Variants in ADGB observed in about 807,000 individuals in gnomAD.
The protein encoded by ADGB is androglobin, also known as calpain-7-like protein.
Under a neutral mutation model 210.5 loss-of-function variants are expected in ADGB, and 172 were observed. The observed-to-expected ratio is 0.82, with a 90% CI of 0.72 to 0.93. The LOEUF (loss-of-function observed/expected upper bound fraction) is 0.93. ADGB is among the 40% of genes least tolerant of loss of function. The pLI is 0.00. For synonymous variants in ADGB, 658 were observed against 662.7 expected, an observed-to-expected ratio of 0.99 and a Z score of 0.11; for missense variants, 2,025 against 1,964.8, an observed-to-expected ratio of 1.03 and a Z score of -0.58.
intron 5 of ADGB, among the ~76,000 whole-genome samples, chr6:146,657,662 C>T (rs1212334468): frequency 6.6e-6 from 1 of 152,190 alleles, no homozygotes; most frequent in Non-Finnish European, 1.5e-5. Context: ...CCACCTTCCT[C>T]TTTCTTCTCT....
At position 146,672,333 on chromosome 6, in the gene ADGB, A is replaced by G. The variant is rs1446569293; in HGVS notation, c.953A>G (p.Lys318Arg). 14 of 1,551,400 alleles carry G rather than the reference A, an allele frequency of 9.0e-6. No homozygotes were observed. The highest frequency in any genetic ancestry group is 1.2e-5 in the Non-Finnish European group (14 of 1,146,874). Reference sequence around the variant, plus strand: ...ATAGCAGTGTTAGATTCTAAATTAAAAGAACCAGGGAAAGAAGGGAAGGAG... The same window carrying G: ...ATAGCAGTGTTAGATTCTAAATTAAGAGAACCAGGGAAAGAAGGGAAGGAG... ...SKIAVLDSKL[K>R]EPGKEGKEGK... The change falls in exon 8 of 36, where the codon AAA becomes AGA. Residue 318 changes from lysine (K) to arginine (R), a missense_variant. Lys to Arg is a conservative substitution (Grantham distance 26). Transcript: ENST00000397944.
At position 146,752,716 on chromosome 6, in the gene ADGB, T is replaced by C; in HGVS notation, c.3550+2T>C. ...GTGAGAAAGGTTTGAGCTCCCAGTGTAAGTGTACCTTTATGAACAGGATAG... is the reference window on the plus strand; with the variant it reads ...GTGAGAAAGGTTTGAGCTCCCAGTGCAAGTGTACCTTTATGAACAGGATAG... On this transcript the variant is annotated splice_donor_variant, in intron 27 of 35. Coordinates refer to ENST00000397944, the MANE Select transcript of ADGB (RefSeq NM_024694.4). LOFTEE classifies it high-confidence loss of function. 1.3e-6 allele frequency: 2 copies of C among 1,546,204 alleles called. No homozygotes were observed. Among genetic ancestry groups the C allele is most frequent in the East Asian group, 4.9e-5 (2 of 40,858 alleles).
chr6:146,725,892 G>A (rs1014491757), intron 18 of ADGB, 191 bp from the exon 19 acceptor site: 5 of 435,428 alleles, frequency 1.1e-5, no homozygotes, highest in East Asian at 3.3e-5. Context: ...TAAGTAAAGC[G>A]TAGATTTCAT....
intron 16 of ADGB, among the ~76,000 whole-genome samples, chr6:146,720,494 A>G (rs995913988): frequency 1.3e-5 from 2 of 152,188 alleles, no homozygotes; most frequent in African/African-American, 2.4e-5. Flanking sequence ...TCCATCTCCA[A>G]AACAAAAACC....
chr6:146,624,106 C>G (rs921830214), intron 1 of ADGB, among the ~76,000 whole-genome samples: 1 of 151,472 alleles, frequency 6.6e-6, no homozygotes, highest in African/African-American at 2.4e-5. Context: ...AGGAAGTATT[C>G]CCTCTTCTTC....
chr6:146,629,085 AG>A (rs1583565557), intron 1 of ADGB, among the ~76,000 whole-genome samples: 2 of 152,318 alleles, frequency 1.3e-5, no homozygotes, highest in East Asian at 3.9e-4. Flanking sequence ...ATATTATAAA[AG>A]TATAGGGTTA....
intron 33 of ADGB, among the ~76,000 whole-genome samples, chr6:146,790,687 T>C (rs1276572116): frequency 6.6e-6 from 1 of 152,234 alleles, no homozygotes; most frequent in Non-Finnish European, 1.5e-5. Context: ...CTTATTTTAA[T>C]TCCTTTGGAT....
chr6:146,786,169 A>AT (rs1554256429), intron 32 of ADGB, among the ~76,000 whole-genome samples: 163 of 146,878 alleles, frequency 1.1e-3, no homozygotes, highest in Middle Eastern at 0.011. Context: ...AAGTTAGTAT[A>AT]TATATATATT....
intron 1 of ADGB, among the ~76,000 whole-genome samples, chr6:146,612,088 CAT>C (rs1780720506): frequency 6.6e-6 from 1 of 152,100 alleles, no homozygotes; most frequent in South Asian, 2.1e-4. Context: ...TTCAGGGAAA[CAT>C]AAGGCACTGC....
chr6:146,752,544 T>C lies in ADGB; in HGVS notation c.3380T>C (p.Val1127Ala). 1 of 1,544,562 alleles carries C rather than the reference T, an allele frequency of 6.5e-7. No homozygotes were observed. The highest frequency in any genetic ancestry group is 2.5e-5 in the East Asian group (1 of 40,744). Reference sequence around the variant, plus strand: ...TTTCTTTACAGGTATTCGGTTAAAGTTCTAACACCACAACCTGCTACAATA... The same window carrying C: ...TTTCTTTACAGGTATTCGGTTAAAGCTCTAACACCACAACCTGCTACAATA... ...KKILFRYSVK[V>A]LTPQPATIQV... Residue 1127 changes from valine to alanine, a missense_variant, in exon 27 of 36, where the codon GTT becomes GCT. Val to Ala is a moderately conservative substitution (Grantham distance 64). Transcript: ENST00000397944.
chr6:146,624,459 C>A (rs1780943924), intron 1 of ADGB, among the ~76,000 whole-genome samples: 1 of 151,710 alleles, frequency 6.6e-6, no homozygotes, highest in Non-Finnish European at 1.5e-5. Flanking sequence ...TGTGTTTTCT[C>A]TCCTATATTC....
intron 5 of ADGB, among the ~76,000 whole-genome samples, chr6:146,660,345 A>C (rs1775838062): frequency 6.6e-6 from 1 of 152,210 alleles, no homozygotes; most frequent in Non-Finnish European, 1.5e-5. Flanking sequence ...CATGCTTTTA[A>C]AACAGGAAAT....
chr6:146,601,393 T>C (rs1376422213), intron 1 of ADGB, among the ~76,000 whole-genome samples: 3 of 152,176 alleles, frequency 2.0e-5, no homozygotes, highest in Admixed American at 1.3e-4. Flanking sequence ...CACCAAATCA[T>C]TAGATTTTTC....
Position 146,797,028 on chromosome 6 carries a change from G to A in ADGB, c.4538-4155G>A, listed in dbSNP as rs1778053833. On this transcript the variant is annotated intron_variant, in intron 33 of 35. Transcript: ENST00000397944. ...AAATAACAAATAACCCCATCAAAAA[G>A]TGGGCTAAGGACATGAATAGACAAT... Among the ~76,000 whole-genome samples, 3 of 152,150 alleles carry A rather than the reference G, an allele frequency of 2.0e-5. No individual in the cohort carries two copies. In the South Asian group the frequency reaches 6.2e-4, roughly 32 times the overall value.
chr6:146,649,143 T>A (rs557898446), intron 3 of ADGB, among the ~76,000 whole-genome samples: 1 of 151,520 alleles, frequency 6.6e-6, no homozygotes, highest in South Asian at 2.1e-4. Context: ...ACAAAGGTAG[T>A]CATTATTTAA....
Position 146,808,433 on chromosome 6 carries a change from C to T in ADGB, c.4818+6422C>T, listed in dbSNP as rs908962083. On this transcript the variant is annotated intron_variant, in intron 35 of 35. Transcript: ENST00000397944. ...ATCATGGTCACCTGGGTGTAGAGAG[C>T]GTGTGATCTCAAACATCCATTTTCA... is the stretch of plus-strand genomic sequence containing the variant. Among the ~76,000 whole-genome samples the T allele has an allele frequency of 3.9e-5, 6 of 152,116 alleles. 1 individual carries two copies. The South Asian group carries it at 6.2e-4, about 16-fold the overall frequency.
chr6:146,773,941 G>A (rs953662557), intron 29 of ADGB, among the ~76,000 whole-genome samples: 11 of 152,256 alleles, frequency 7.2e-5, no homozygotes, highest in African/African-American at 1.9e-4. Context: ...TTACAGATGA[G>A]GGAACTGGGA....
chr6:146,716,984 A>G lies in ADGB; in HGVS notation c.1843A>G (p.Lys615Glu), dbSNP rs1226698483. ...CAGCCAGACCACAGCAACACAGGAA[A>G]AGTCACAGGAAGAACTTCCAACAAC... is the stretch of plus-strand genomic sequence containing the variant. ...IVSQTTATQE[K>E]SQEELPTTNN... Residue 615 changes from lysine (K) to glutamate (E), a missense_variant, in exon 15 of 36, where the codon AAG becomes GAG. Coordinates refer to ENST00000397944, the MANE Select transcript of ADGB (RefSeq NM_024694.4). 9 of 1,551,556 alleles carry G rather than the reference A, an allele frequency of 5.8e-6. No homozygotes were observed. The highest frequency in any genetic ancestry group is 7.8e-6 in the Non-Finnish European group (9 of 1,146,962).
At chr6:146,727,300 C>A (rs973759601) in intron 19 of ADGB, among the ~76,000 whole-genome samples, 1 of 152,066 alleles carries the variant, frequency 6.6e-6, no homozygotes, top group Non-Finnish European at 1.5e-5. Context: ...TCTTCCTTGT[C>A]TGAGCAGTGG....
Sources: allele counts gnomAD v4.1 joint callset (sites outside exome capture counted in the v4.1 genomes callset), GRCh38; gene constraint gnomAD v4.1.1; transcripts MANE v1.5; gene names NCBI Gene and HGNC (gene_info 2026-07-23, HGNC 2026-07-21).